The following ZNF277 variants were observed in gnomAD, a reference collection of about 807,000 sequenced individuals.
ZNF277 encodes nuclear receptor-interacting factor 4.
A neutral mutation model predicts 60.7 loss-of-function variants in ZNF277; 55 were observed. The observed-to-expected ratio is 0.91, with a 90% CI of 0.73 to 1.13. The LOEUF (loss-of-function observed/expected upper bound fraction) is 1.13. Ranked by LOEUF, ZNF277 falls within the 50% of genes most tolerant of loss-of-function variation. ZNF277 has a pLI of 0.00. For synonymous variants in ZNF277, 178 were observed against 179.3 expected (o/e 0.99, Z 0.06); for missense variants, 510 against 523.0 (o/e 0.98, Z 0.24).
At chr7:112,298,509 A>G (rs1792403444) in intron 4 of ZNF277, among the ~76,000 whole-genome samples, 1 of 152,220 alleles carries the variant, frequency 6.6e-6, no homozygotes, top group Admixed American at 6.5e-5. Flanking sequence ...AAATGGAGCT[A>G]AATTGTGGAA....
intron 4 of ZNF277, among the ~76,000 whole-genome samples, chr7:112,308,058 A>G (rs562038286): frequency 1.3e-5 from 2 of 152,052 alleles, no homozygotes; most frequent in Admixed American, 6.6e-5. Context: ...ATAAATTGCT[A>G]TATTTGGTTA....
chr7:112,240,021 A>G (rs1275595236), intron 1 of ZNF277, among the ~76,000 whole-genome samples: 2 of 152,200 alleles, frequency 1.3e-5, no homozygotes, highest in African/African-American at 4.8e-5. Flanking sequence ...ATACAACCAC[A>G]GTGTTAGCTT....
At position 112,267,397 on chromosome 7, in the gene ZNF277, GCAAT is replaced by G. The variant is rs1217694356; in HGVS notation, c.92-19472_92-19469del. Among the ~76,000 whole-genome samples the G allele has an allele frequency of 2.6e-5, 4 of 152,158 alleles. No homozygotes were observed. In the East Asian group the frequency reaches 7.7e-4, roughly 29 times the overall value. ...GCTGATCTCATCTTTATCAGTTTCA[GCAAT>G]CAAACATTTTCCTGATATGTTTTAA... is the stretch of plus-strand genomic sequence containing the variant. On this transcript the variant is annotated intron_variant, in intron 1 of 11. Transcript: ENST00000361822.
chr7:112,207,461 G>A (rs1046103296), intron 1 of ZNF277, among the ~76,000 whole-genome samples: 1 of 152,170 alleles, frequency 6.6e-6, no homozygotes, highest in Non-Finnish European at 1.5e-5. Context: ...AAAGGAAAGT[G>A]ATAGATAATT....
chr7:112,278,527 C>T (rs1791867432), intron 1 of ZNF277, among the ~76,000 whole-genome samples: 1 of 152,136 alleles, frequency 6.6e-6, no homozygotes, highest in East Asian at 1.9e-4. Context: ...GTGTCAGACA[C>T]TCATGTGCTT....
Sources: allele counts gnomAD v4.1 joint callset (sites outside exome capture counted in the v4.1 genomes callset), GRCh38; gene constraint gnomAD v4.1.1; transcripts MANE v1.5; gene names NCBI Gene and HGNC (gene_info 2026-07-23, HGNC 2026-07-21).